Variants in ZFPM1 observed in about 807,000 individuals in gnomAD.
The protein encoded by ZFPM1 is zinc finger protein, FOG family member 1.
In ZFPM1, 28 loss-of-function variants were observed where a neutral mutation model predicts 46.3. That is an observed-to-expected ratio of 0.60 (90% CI 0.45 to 0.83). ZFPM1 has a LOEUF of 0.83. ZFPM1 is among the 40% of genes least tolerant of loss of function. The pLI, the probability that ZFPM1 is intolerant of heterozygous loss-of-function variation, is 0.00. For missense variants in ZFPM1, 1,878 were observed against 1,432.4 expected, an observed-to-expected ratio of 1.31 and a Z score of -5.02; for synonymous variants, 957 against 675.9, an observed-to-expected ratio of 1.42 and a Z score of -6.45.
chr16:88,532,139 G>T lies in ZFPM1; in HGVS notation c.850G>T (p.Glu284Ter). ...AGCCGCCACAGACGAGAAGCCCAAA[G>T]AGACCTACCCCAACGAGCGCGTCTG... is the stretch of plus-strand genomic sequence containing the variant. ...AAAATDEKPK[E>*]TYPNERVCPF... The change falls in exon 7 of 10, where the codon GAG (glutamate) becomes TAG (stop). Residue 284 changes from glutamate (E) to a stop codon, truncating the protein, a stop_gained. Transcript: ENST00000319555. LOFTEE classifies it high-confidence loss of function. The T allele has an allele frequency of 6.2e-7, 1 of 1,612,670 alleles. No homozygotes were observed. The highest frequency in any genetic ancestry group is 8.5e-7 in the Non-Finnish European group (1 of 1,179,804).
chr16:88,487,186 G>A (rs1909278591), intron 2 of ZFPM1, among the ~76,000 whole-genome samples: 1 of 152,174 alleles, frequency 6.6e-6, no homozygotes, highest in Non-Finnish European at 1.5e-5. Context: ...GGCCTCCCTG[G>A]GACAGAGGTG....
In ZFPM1 at chr16:88,534,359, C is replaced by G. The variant is rs757313926; in HGVS notation, c.2401C>G (p.Pro801Ala). The change falls in exon 10 of 10, where the codon CCG becomes GCG. Residue 801 changes from proline to alanine, a missense_variant. Coordinates refer to ENST00000319555, the MANE Select transcript of ZFPM1 (RefSeq NM_153813.3). ...ADGPIDLSKK[P>A]RRPLPGAPAP... ...CGGCCCCATCGACCTGAGCAAGAAGCCGCGGCGCCCGCTCCCCGGAGCCCC... is the reference window on the plus strand; with the variant it reads ...CGGCCCCATCGACCTGAGCAAGAAGGCGCGGCGCCCGCTCCCCGGAGCCCC... 9.1e-6 allele frequency: 13 copies of G among 1,424,476 alleles called. No homozygotes were observed. The highest frequency in any genetic ancestry group is 6.2e-5 in the East Asian group (2 of 32,296). The allele number at this position is 1,424,476 out of a possible 1,614,324, so 88.2% of individuals were successfully genotyped here. A position where few individuals can be genotyped will look rare whatever the true frequency, so the allele number is the denominator to read the frequency against.
At position 88,532,235 on chromosome 16, in the gene ZFPM1, G is replaced by A. The variant is rs1163227742; in HGVS notation, c.946G>A (p.Gly316Arg). The change falls in exon 7 of 10, where the codon GGA becomes AGA. Residue 316 changes from glycine to arginine, a missense_variant and splice_region_variant. Coordinates refer to ENST00000319555, the MANE Select transcript of ZFPM1 (RefSeq NM_153813.3). ...SLEIHMRSHS[G>R]ERPFVCLICL... The stretch of plus-strand genomic sequence containing the variant: ...GGAGATCCACATGCGCAGCCACAGC[G>A]GTGAGCCCCCACCCCGGACGCGGGT... 6 of 1,595,894 alleles carry A rather than the reference G, an allele frequency of 3.8e-6. No individual in the cohort carries two copies. Among genetic ancestry groups the A allele is most frequent in the Non-Finnish European group, 5.1e-6 (6 of 1,168,016 alleles).
chr16:88,478,332 G>A (rs1908775629), intron 1 of ZFPM1, among the ~76,000 whole-genome samples: 1 of 152,220 alleles, frequency 6.6e-6, no homozygotes, highest in Admixed American at 6.5e-5. Context: ...AGCAAGTGCT[G>A]ATCCCGAACT....
intron 1 of ZFPM1, among the ~76,000 whole-genome samples, chr16:88,478,067 C>T (rs1187979726): frequency 1.3e-5 from 2 of 152,200 alleles, no homozygotes; most frequent in East Asian, 3.8e-4. Context: ...GTCTGTCTGC[C>T]TCTTGGTGGA....
At chr16:88,533,048 C>A in intron 9 of ZFPM1, 100 bp from the exon 10 acceptor site, 1 of 1,485,540 alleles carries the variant, frequency 6.7e-7, no homozygotes, top group South Asian at 1.3e-5. Context: ...CGCTCTAAAC[C>A]ACTCCCGCCC....
intron 1 of ZFPM1, among the ~76,000 whole-genome samples, chr16:88,464,072 A>G (rs1386481870): frequency 1.3e-5 from 2 of 152,210 alleles, no homozygotes; most frequent in African/African-American, 2.4e-5. Context: ...CCATCGGTCA[A>G]TCCTTGGGGG....
intron 4 of ZFPM1, among the ~76,000 whole-genome samples, chr16:88,521,523 G>C (rs191736282): frequency 1.2e-4 from 17 of 146,908 alleles, no homozygotes; most frequent in African/African-American, 4.3e-4. Flanking sequence ...CCCCCGTGCT[G>C]TTCCCCCAAC....
Position 88,533,682 on chromosome 16 carries a change from A to C in ZFPM1, c.1724A>C (p.Lys575Thr). The stretch of plus-strand genomic sequence containing the variant: ...ACCGGGCTCTTCCCCGGGGCCCCCA[A>C]GGGCGCTACGTGCTTCGAGTGCGAG... ...AQTGLFPGAP[K>T]GATCFECEIT... The change falls in exon 10 of 10, where the codon AAG becomes ACG. Residue 575 changes from lysine to threonine, a missense_variant. Lys to Thr is a moderately conservative substitution (Grantham distance 78). Coordinates refer to ENST00000319555, the MANE Select transcript of ZFPM1 (RefSeq NM_153813.3). The C allele has an allele frequency of 6.8e-7, 1 of 1,477,082 alleles. No individual in the cohort carries two copies. The highest frequency in any genetic ancestry group is 9.0e-7 in the Non-Finnish European group (1 of 1,105,736). The allele number at this position is 1,477,082 out of a possible 1,614,324, so 91.5% of individuals were successfully genotyped here. A position where few individuals can be genotyped will look rare whatever the true frequency, so the allele number is the denominator to read the frequency against.
rs193200699 is a variant in ZFPM1 at position 88,508,315 on chromosome 16, G to C, written c.269-6072G>C. On this transcript the variant is annotated intron_variant, in intron 3 of 9. Coordinates refer to ENST00000319555, the MANE Select transcript of ZFPM1 (RefSeq NM_153813.3). ...CTGTCTCAAAAAAAAAGAAAGAAAA[G>C]AAGTTGTTGGACCCCCAGCCTCGTC... Among the ~76,000 whole-genome samples, 5 of 152,260 alleles carry C rather than the reference G, an allele frequency of 3.3e-5. No individual in the cohort carries two copies. The East Asian group carries it at 9.7e-4, about 29-fold the overall frequency.
chr16:88,515,679 C>A (rs1567547512), intron 4 of ZFPM1, among the ~76,000 whole-genome samples: 6 of 152,216 alleles, frequency 3.9e-5, no homozygotes. Flanking sequence ...GGCTGCCTGG[C>A]CCCGTGGCCT....
Position 88,534,563 on chromosome 16 carries a change from C to G in ZFPM1, c.2605C>G (p.Leu869Val), listed in dbSNP as rs1230612871. The G allele has an allele frequency of 2.3e-6, 3 of 1,323,380 alleles. No homozygotes were observed. In the South Asian group the frequency reaches 5.3e-5, roughly 23 times the overall value. 82.0% of individuals were successfully genotyped at this position (1,323,380 alleles called of 1,614,324 possible). Residue 869 changes from leucine to valine, a missense_variant, in exon 10 of 10, where the codon CTG becomes GTG. By Grantham distance (32) the Leu-to-Val change is conservative (BLOSUM62 1). Transcript: ENST00000319555. ...CCCGAACGGCCCGGTGCGCGGGGAC[C>G]TGCTGGAGCATTTCCGCCTGGCGCA... ...CPPNGPVRGD[L>V]LEHFRLAHGL...
At chr16:88,454,055 G>A (rs1290909154) in intron 1 of ZFPM1, among the ~76,000 whole-genome samples, 1 of 152,246 alleles carries the variant, frequency 6.6e-6, no homozygotes, top group East Asian at 1.9e-4. Context: ...CATTCTGCAA[G>A]TCCCGTCCTG....
chr16:88,517,204 GGATGGAT>G, intron 4 of ZFPM1, among the ~76,000 whole-genome samples: 1 of 135,574 alleles, frequency 7.4e-6, no homozygotes, highest in Admixed American at 7.2e-5. Flanking sequence ...ATGGATGGAT[GGATGGAT>G]GGATGGATGG....
chr16:88,472,521 T>C (rs1481057996), intron 1 of ZFPM1, among the ~76,000 whole-genome samples: 1 of 151,886 alleles, frequency 6.6e-6, no homozygotes, highest in African/African-American at 2.4e-5. Flanking sequence ...GCCCAGCTAA[T>C]TTTTGTATTT....
chr16:88,496,197 T>C (rs1157033311), intron 3 of ZFPM1, among the ~76,000 whole-genome samples: 1 of 152,076 alleles, frequency 6.6e-6, no homozygotes, highest in Non-Finnish European at 1.5e-5. Context: ...CTGCCTGGCC[T>C]CCTGGAAGGG....
At chr16:88,473,378 T>C (rs541202235) in intron 1 of ZFPM1, among the ~76,000 whole-genome samples, 1 of 152,332 alleles carries the variant, frequency 6.6e-6, no homozygotes, top group South Asian at 2.1e-4. Context: ...TCAGCCCAGC[T>C]GTACAGCCAC....
intron 3 of ZFPM1, among the ~76,000 whole-genome samples, chr16:88,496,742 T>G (rs529396405): frequency 6.6e-6 from 1 of 152,042 alleles, no homozygotes. Context: ...GCACTGGTCA[T>G]GTACACGGGG....
chr16:88,475,129 G>A (rs1908614631), intron 1 of ZFPM1, among the ~76,000 whole-genome samples: 1 of 152,266 alleles, frequency 6.6e-6, no homozygotes, highest in South Asian at 2.1e-4. Context: ...TGGGGATCTG[G>A]TCAGAGGGAG....
Sources: allele counts gnomAD v4.1 joint callset (sites outside exome capture counted in the v4.1 genomes callset), GRCh38; gene constraint gnomAD v4.1.1; transcripts MANE v1.5; gene names NCBI Gene and HGNC (gene_info 2026-07-23, HGNC 2026-07-21).